Variants in DLGAP4 observed in about 807,000 individuals in gnomAD.
The protein encoded by DLGAP4 is disks large-associated protein 4.
Under a neutral mutation model 86.9 loss-of-function variants are expected in DLGAP4, and 18 were observed. The observed-to-expected ratio is 0.21, with a 90% confidence interval of 0.14 to 0.31. The LOEUF (loss-of-function observed/expected upper bound fraction) is 0.31. DLGAP4 is among the 10% of genes least tolerant of loss of function. The pLI is 1.00. For synonymous variants in DLGAP4, 548 were observed against 574.3 expected (o/e 0.95, Z 0.65); for missense variants, 1,085 against 1,362.6 (o/e 0.80, Z 3.21).
At chr20:36,341,935 A>G (rs1555892545) in intron 1 of DLGAP4, among the ~76,000 whole-genome samples, 1 of 152,194 alleles carries the variant, frequency 6.6e-6, no homozygotes, top group Non-Finnish European at 1.5e-5. Context: ...CTCCCCAGGC[A>G]CACTTCATTC....
At chr20:36,462,161 T>G in intron 7 of DLGAP4, 1 of 1,041,756 alleles carries the variant, frequency 9.6e-7, no homozygotes, top group Non-Finnish European at 1.2e-6. Flanking sequence ...CCATATCCAC[T>G]GGGAGCTCCT....
At position 36,528,190 on chromosome 20, in the gene DLGAP4, A is replaced by G. The variant is rs1310828548; in HGVS notation, c.*1159A>G. The G allele has an allele frequency of 7.6e-6, 1 of 130,878 alleles. No individual in the cohort carries two copies. Among genetic ancestry groups the G allele is most frequent in the African/African-American group, 3.1e-5 (1 of 32,360 alleles). The allele number at this position is 130,878 out of a possible 1,614,324, so 8.1% of individuals were successfully genotyped here. A position where few individuals can be genotyped will look rare whatever the true frequency, so the allele number is the denominator to read the frequency against. On this transcript the variant is annotated 3_prime_UTR_variant, in exon 13 of 13. Transcript: ENST00000339266. Reference sequence around the variant, plus strand: ...CCCCGCCCCGCACTCCTAAGGGCCCATCTGCCCAGCCTCTGAGTTTTCTGT... The same window carrying G: ...CCCCGCCCCGCACTCCTAAGGGCCCGTCTGCCCAGCCTCTGAGTTTTCTGT...
intron 10 of DLGAP4, among the ~76,000 whole-genome samples, chr20:36,509,495 C>T (rs1052886258): frequency 1.3e-5 from 2 of 151,728 alleles, no homozygotes; most frequent in African/African-American, 4.8e-5. Flanking sequence ...CGCTTGAACC[C>T]AGGAGGCAGA....
chr20:36,418,065 G>A (rs1042345583), intron 2 of DLGAP4, among the ~76,000 whole-genome samples: 3 of 151,488 alleles, frequency 2.0e-5, no homozygotes, highest in East Asian at 3.9e-4. Context: ...GATTATAGGC[G>A]TGAGCCACCG....
At chr20:36,459,769 G>T (rs909693983) in intron 7 of DLGAP4, among the ~76,000 whole-genome samples, 3 of 152,138 alleles carry the variant, frequency 2.0e-5, no homozygotes, top group African/African-American at 7.2e-5. Flanking sequence ...CTCCATGCCC[G>T]GCTAATTTTG....
At chr20:36,315,797 G>A in intron 1 of DLGAP4, among the ~76,000 whole-genome samples, 1 of 152,244 alleles carries the variant, frequency 6.6e-6, no homozygotes, top group East Asian at 1.9e-4. Context: ...CACTCCCCAA[G>A]CCTTCCCGGC....
At chr20:36,343,999 G>A (rs2065410843) in intron 1 of DLGAP4, among the ~76,000 whole-genome samples, 1 of 152,198 alleles carries the variant, frequency 6.6e-6, no homozygotes, top group Non-Finnish European at 1.5e-5. Flanking sequence ...GGGGTGCAGG[G>A]GAGTGCTGTT....
At chr20:36,445,660 G>T (rs773566285) in intron 6 of DLGAP4, among the ~76,000 whole-genome samples, 8 of 152,156 alleles carry the variant, frequency 5.3e-5, no homozygotes, top group Non-Finnish European at 8.8e-5. Context: ...GATAGTGATG[G>T]CCTGAGGTTA....
chr20:36,443,361 C>T (rs2033503638), intron 6 of DLGAP4, among the ~76,000 whole-genome samples: 1 of 152,288 alleles, frequency 6.6e-6, no homozygotes, highest in Non-Finnish European at 1.5e-5. Context: ...TCTCCTCCCT[C>T]CCAGGCCAAA....
At chr20:36,521,809 T>C (rs1433530676) in intron 10 of DLGAP4, among the ~76,000 whole-genome samples, 3 of 152,264 alleles carry the variant, frequency 2.0e-5, no homozygotes, top group African/African-American at 4.8e-5. Flanking sequence ...TGTTACAATT[T>C]TCATCTATTC....
At chr20:36,510,378 C>T (rs2036624063) in intron 10 of DLGAP4, among the ~76,000 whole-genome samples, 1 of 152,180 alleles carries the variant, frequency 6.6e-6, no homozygotes, top group East Asian at 1.9e-4. Flanking sequence ...ATTCTCCTGC[C>T]TCAGCCTCCT....
chr20:36,412,184 T>C (rs953907955), intron 2 of DLGAP4, among the ~76,000 whole-genome samples: 1 of 152,258 alleles, frequency 6.6e-6, no homozygotes, highest in Non-Finnish European at 1.5e-5. Flanking sequence ...TGTTCTGCTG[T>C]TTGCCAGCAT....
chr20:36,437,528 G>A (rs2033322199), intron 4 of DLGAP4, among the ~76,000 whole-genome samples: 1 of 152,194 alleles, frequency 6.6e-6, no homozygotes, highest in African/African-American at 2.4e-5. Flanking sequence ...TCCGAGATGG[G>A]GGAGGGAGGT....
rs115232046 is a variant in DLGAP4, at chr20:36,477,877, A to G, written c.1649-18828A>G. The stretch of plus-strand genomic sequence containing the variant: ...AATACAGGGACTTGCCCAAGGTCAT[A>G]CGGCACTTCACTGGTAAAATTGGGC... On this transcript the variant is annotated intron_variant, in intron 7 of 12. Transcript: ENST00000339266. Among the ~76,000 whole-genome samples the G allele has an allele frequency of 4.6e-5, 7 of 152,332 alleles. No homozygotes were observed. The East Asian group carries it at 1.3e-3, about 29-fold the overall frequency.
At chr20:36,429,156 T>G (rs1015263971) in intron 2 of DLGAP4, among the ~76,000 whole-genome samples, 3 of 152,202 alleles carry the variant, frequency 2.0e-5, no homozygotes, top group Admixed American at 6.5e-5. Flanking sequence ...CTCGGCTCAC[T>G]GCAACCTCCA....
intron 2 of DLGAP4, among the ~76,000 whole-genome samples, chr20:36,407,655 G>A (rs1460305729): frequency 5.3e-5 from 8 of 152,154 alleles, no homozygotes; most frequent in South Asian, 4.1e-4. Context: ...TATGGCAACC[G>A]GCTGTGGTCA....
intron 2 of DLGAP4, among the ~76,000 whole-genome samples, chr20:36,376,767 T>C (rs917767095): frequency 6.6e-6 from 1 of 152,172 alleles, no homozygotes; most frequent in Non-Finnish European, 1.5e-5. Context: ...AGCAGCCTGA[T>C]GAGGCCTCCA....
At chr20:36,442,034 A>T (rs920063673) in intron 5 of DLGAP4, among the ~76,000 whole-genome samples, 1 of 152,112 alleles carries the variant, frequency 6.6e-6, no homozygotes, top group Non-Finnish European at 1.5e-5. Context: ...GAGTGACCCA[A>T]GCCATATATT....
chr20:36,353,751 G>A (rs992256907), intron 1 of DLGAP4, among the ~76,000 whole-genome samples: 1 of 152,238 alleles, frequency 6.6e-6, no homozygotes, highest in Non-Finnish European at 1.5e-5. Context: ...AGAGGAGCCG[G>A]CAAAGGCAGT....
Sources: gnomAD v4.1 joint callset for allele counts (sites outside exome capture counted in the v4.1 genomes callset) on GRCh38, gnomAD v4.1.1 for gene constraint, MANE v1.5 for transcripts, NCBI Gene and HGNC (gene_info 2026-07-23, HGNC 2026-07-21) for gene names.